TULP4: variants seen among roughly 807,000 people sequenced by gnomAD.
TULP4 encodes the protein TUB like protein 4, also known as tubby-related protein 4.
TULP4 carries 16 observed loss-of-function variants against 129.0 expected under a neutral mutation model. The ratio of observed to expected loss-of-function variants is 0.12; its 90% CI spans 0.08 to 0.19. TULP4 has a LOEUF of 0.19. TULP4 is among the 10% of genes least tolerant of loss of function. TULP4 has a pLI of 1.00. For missense variants in TULP4, 1,842 were observed against 2,059.1 expected (o/e 0.89, Z 2.04); for synonymous variants, 998 against 854.0 (o/e 1.17, Z -2.94).
chr6:158,446,503 G>A (rs1443889639), intron 3 of TULP4, among the ~76,000 whole-genome samples: 3 of 152,080 alleles, frequency 2.0e-5, no homozygotes, highest in Admixed American at 2.0e-4. Context: ...TCTCTAAAAT[G>A]GAAAAATGAG....
chr6:158,315,723 A>C (rs373615510), intron 1 of TULP4, among the ~76,000 whole-genome samples: 3 of 152,240 alleles, frequency 2.0e-5, no homozygotes, highest in Non-Finnish European at 1.5e-5. Flanking sequence ...TGGGAAGTCC[A>C]AGATCAAGAT....
chr6:158,374,831 A>G (rs1346399676), intron 1 of TULP4, among the ~76,000 whole-genome samples: 1 of 152,242 alleles, frequency 6.6e-6, no homozygotes, highest in Non-Finnish European at 1.5e-5. Context: ...CAGGTTTGAA[A>G]TGTAACATTT....
intron 1 of TULP4, among the ~76,000 whole-genome samples, chr6:158,252,309 T>C (rs1778156398): frequency 6.7e-6 from 1 of 149,370 alleles, no homozygotes; most frequent in African/African-American, 2.4e-5. Context: ...CTTTTTCCCA[T>C]AGAATGTTTT....
intron 1 of TULP4, among the ~76,000 whole-genome samples, chr6:158,249,941 A>G (rs117929522): frequency 0.032 from 4,800 of 152,240 alleles, 96 homozygotes; most frequent in Non-Finnish European, 0.04. Flanking sequence ...TGATAGAGTA[A>G]TATTAAGTAT....
intron 1 of TULP4, among the ~76,000 whole-genome samples, chr6:158,316,319 G>T (rs1017088203): frequency 6.6e-6 from 1 of 152,150 alleles, no homozygotes; most frequent in Non-Finnish European, 1.5e-5. Context: ...ATGTGTTTAG[G>T]TTTAGTAGAA....
chr6:158,401,415 G>C (rs985270945), intron 1 of TULP4, among the ~76,000 whole-genome samples: 2 of 152,140 alleles, frequency 1.3e-5, no homozygotes, highest in African/African-American at 4.8e-5. Flanking sequence ...CAACTAACAA[G>C]AACTGTATAA....
At chr6:158,460,299 C>T (rs189338151) in intron 5 of TULP4, among the ~76,000 whole-genome samples, 1 of 152,318 alleles carries the variant, frequency 6.6e-6, no homozygotes, top group African/African-American at 2.4e-5. Context: ...AGCCCGGGGA[C>T]CACTGAATTC....
At position 158,508,937 on chromosome 6, in the gene TULP4, G is replaced by C. The variant is rs1780668019; in HGVS notation, c.*2243G>C. The C allele has an allele frequency of 8.2e-6, 1 of 122,180 alleles. No homozygotes were observed. The allele number at this position is 122,180 out of a possible 1,614,324, so 7.6% of individuals were successfully genotyped here. A position where few individuals can be genotyped will look rare whatever the true frequency, so the allele number is the denominator to read the frequency against. ...GAGTCCCACTCTTGTCGCCCAACTA[G>C]AGTGTAGTGGCACAATCTCGGCTCC... is the stretch of plus-strand genomic sequence containing the variant. On this transcript the variant is annotated 3_prime_UTR_variant, in exon 14 of 14. Transcript: ENST00000367097.
intron 5 of TULP4, among the ~76,000 whole-genome samples, chr6:158,456,562 G>A (rs921933907): frequency 6.6e-6 from 1 of 152,138 alleles, no homozygotes; most frequent in Non-Finnish European, 1.5e-5. Context: ...GGCCGGGCAC[G>A]ATGGCTCACG....
At chr6:158,456,297 G>A (rs776456657) in intron 5 of TULP4, among the ~76,000 whole-genome samples, 4 of 152,184 alleles carry the variant, frequency 2.6e-5, no homozygotes, top group Non-Finnish European at 4.4e-5. Context: ...AGCTTCTAAG[G>A]CATGCTTGTC....
intron 1 of TULP4, among the ~76,000 whole-genome samples, chr6:158,372,053 G>A (rs1208694742): frequency 2.0e-5 from 3 of 150,264 alleles, no homozygotes; most frequent in South Asian, 4.2e-4. Context: ...AGGCTCAAGC[G>A]ATCTGCCCAC....
chr6:158,376,782 G>A lies in TULP4; in HGVS notation c.253-36283G>A, dbSNP rs536554471. Among the ~76,000 whole-genome samples, 7 of 152,298 alleles carry A rather than the reference G, an allele frequency of 4.6e-5. No individual in the cohort carries two copies. The South Asian group carries it at 1.5e-3, about 32-fold the overall frequency. The stretch of plus-strand genomic sequence containing the variant: ...CTGGGAAAACTTTTCCACATAACAG[G>A]AGCAGATGTGGCAGTCTCTGTCTCA... On this transcript the variant is annotated intron_variant, in intron 1 of 13. Coordinates refer to ENST00000367097, the MANE Select transcript of TULP4 (RefSeq NM_020245.5).
chr6:158,365,250 T>G (rs952377821), intron 1 of TULP4, among the ~76,000 whole-genome samples: 7 of 152,060 alleles, frequency 4.6e-5, no homozygotes, highest in Admixed American at 4.6e-4. Flanking sequence ...GTGTTTTATC[T>G]CTATTCTATA....
upstream of TULP4, chr6:158,312,250 A>AT (rs934525734): frequency 1.8e-5 from 7 of 397,090 alleles, no homozygotes; most frequent in Non-Finnish European, 3.1e-5. Context: ...ATGAAAATTA[A>AT]TTTAAGAATC....
At chr6:158,283,326 T>C (rs1583702774) in intron 1 of TULP4, among the ~76,000 whole-genome samples, 2 of 152,200 alleles carry the variant, frequency 1.3e-5, no homozygotes, top group East Asian at 1.9e-4. Flanking sequence ...AAACACTATG[T>C]CTAGCTACAT....
intron 1 of TULP4, among the ~76,000 whole-genome samples, chr6:158,240,842 G>T (rs1215009180): frequency 6.6e-6 from 1 of 150,452 alleles, no homozygotes; most frequent in Non-Finnish European, 1.5e-5. Context: ...GCTGGGCGGG[G>T]GGGCTGACCC....
chr6:158,357,859 C>T (rs980620546), intron 1 of TULP4, among the ~76,000 whole-genome samples: 4 of 152,060 alleles, frequency 2.6e-5, no homozygotes, highest in African/African-American at 4.8e-5. Context: ...AGTTACGTGT[C>T]GTATTGAGAA....
At chr6:158,497,233 C>T (rs1387667884) in intron 11 of TULP4, among the ~76,000 whole-genome samples, 1 of 152,164 alleles carries the variant, frequency 6.6e-6, no homozygotes, top group African/African-American at 2.4e-5. Flanking sequence ...TCTATTAATA[C>T]TAGAGAACAG....
intron 1 of TULP4, among the ~76,000 whole-genome samples, chr6:158,373,208 T>C (rs898304369): frequency 2.6e-5 from 4 of 152,346 alleles, no homozygotes; most frequent in Non-Finnish European, 4.4e-5. Flanking sequence ...CTTATGCCCA[T>C]GTAGCTCTTA....
Sources: gnomAD v4.1 joint callset for allele counts (sites outside exome capture counted in the v4.1 genomes callset) on GRCh38, gnomAD v4.1.1 for gene constraint, MANE v1.5 for transcripts, NCBI Gene and HGNC (gene_info 2026-07-23, HGNC 2026-07-21) for gene names.